FRMD6: variants seen among roughly 807,000 people sequenced by gnomAD.
FRMD6 encodes FERM domain containing 6.
A neutral mutation model predicts 73.2 loss-of-function variants in FRMD6; 37 were observed. The observed-to-expected ratio is 0.51, with a 90% CI of 0.39 to 0.66. The LOEUF (loss-of-function observed/expected upper bound fraction) is 0.66. Ranked by LOEUF, FRMD6 falls within the 30% of genes least tolerant of loss-of-function variation. FRMD6 has a pLI of 0.00. For missense variants in FRMD6, 714 were observed against 780.5 expected (o/e 0.91, Z 1.02); for synonymous variants, 273 against 282.2 (o/e 0.97, Z 0.33).
chr14:51,610,738 G>GA (rs1315336297), intron 2 of FRMD6, among the ~76,000 whole-genome samples: 1 of 152,112 alleles, frequency 6.6e-6, no homozygotes, highest in East Asian at 1.9e-4. Context: ...TTTCAGTTTT[G>GA]AAAAAGTATA....
At chr14:51,664,558 T>TA (rs1169712264) in intron 1 of FRMD6, among the ~76,000 whole-genome samples, 3 of 152,268 alleles carry the variant, frequency 2.0e-5, no homozygotes, top group African/African-American at 7.2e-5. Flanking sequence ...AAAACTTTGT[T>TA]ACATATATTT....
At chr14:51,614,424 G>T (rs761419632) in intron 2 of FRMD6, among the ~76,000 whole-genome samples, 3 of 151,904 alleles carry the variant, frequency 2.0e-5, no homozygotes, top group African/African-American at 7.3e-5. Flanking sequence ...TATTTTCACC[G>T]GTCACACTAT....
exon 1 of FRMD6, chr14:51,489,303 A>G (rs1882859327): frequency 6.6e-6 from 1 of 152,558 alleles, no homozygotes; most frequent in African/African-American, 2.4e-5. Flanking sequence ...GCTTACTCAC[A>G]GCAACTGAAA....
At chr14:51,437,315 C>T in the FRMD6 span, among the ~76,000 whole-genome samples, 1 of 152,170 alleles carries the variant, frequency 6.6e-6, no homozygotes, top group African/African-American at 2.4e-5. Flanking sequence ...GAGTCTGTCT[C>T]CTTTTGGGAT....
At chr14:51,444,853 C>G in the FRMD6 span, among the ~76,000 whole-genome samples, 100 of 152,262 alleles carry the variant, frequency 6.6e-4, no homozygotes, top group East Asian at 7.5e-3. Flanking sequence ...GAACCCACAT[C>G]CCAGTCCATT....
At chr14:51,428,840 T>C in the FRMD6 span, among the ~76,000 whole-genome samples, 26 of 151,970 alleles carry the variant, frequency 1.7e-4, no homozygotes, top group Non-Finnish European at 2.8e-4. Context: ...AATGGCAGTT[T>C]CTATCAGTTT....
chr14:51,560,584 G>A (rs185535405), intron 1 of FRMD6, among the ~76,000 whole-genome samples: 3 of 152,098 alleles, frequency 2.0e-5, no homozygotes, highest in Non-Finnish European at 2.9e-5. Context: ...TCCTGGGTTC[G>A]AGTGATTCTC....
intron 1 of FRMD6, among the ~76,000 whole-genome samples, chr14:51,563,883 A>G (rs1376298522): frequency 6.6e-6 from 1 of 152,366 alleles, no homozygotes; most frequent in East Asian, 1.9e-4. Context: ...ATATTTAGAA[A>G]CAATTTTATT....
chr14:51,625,903 A>G (rs1193862934), intron 2 of FRMD6, among the ~76,000 whole-genome samples: 1 of 152,214 alleles, frequency 6.6e-6, no homozygotes, highest in Non-Finnish European at 1.5e-5. Context: ...CGTGTTAGGG[A>G]GTTTTATTGA....
the FRMD6 span, among the ~76,000 whole-genome samples, chr14:51,462,336 T>C: frequency 6.6e-6 from 1 of 152,004 alleles, no homozygotes; most frequent in African/African-American, 2.4e-5. Context: ...TACAAATGAG[T>C]GGATGTATGG....
At chr14:51,686,491 C>G (rs1895158762) in intron 1 of FRMD6, among the ~76,000 whole-genome samples, 5 of 152,018 alleles carry the variant, frequency 3.3e-5, no homozygotes, top group Admixed American at 2.0e-4. Context: ...AAATAAGGAG[C>G]TTATAATAAT....
chr14:51,408,101 A>G, the FRMD6 span, among the ~76,000 whole-genome samples: 1,411 of 151,902 alleles, frequency 9.3e-3, 23 homozygotes, highest in African/African-American at 0.032. Flanking sequence ...GGATTTATAG[A>G]GCATTCTGAG....
chr14:51,431,083 T>C, the FRMD6 span, among the ~76,000 whole-genome samples: 1 of 152,240 alleles, frequency 6.6e-6, no homozygotes, highest in East Asian at 1.9e-4. Flanking sequence ...TATTGTTTTC[T>C]ATATATACCC....
chr14:51,637,003 G>A (rs1369632829), intron 2 of FRMD6, among the ~76,000 whole-genome samples: 5 of 152,128 alleles, frequency 3.3e-5, no homozygotes, highest in East Asian at 1.9e-4. Context: ...GTGGGAGGAT[G>A]GCTTAAGCCC....
intron 1 of FRMD6, among the ~76,000 whole-genome samples, chr14:51,542,806 A>C (rs1886270620): frequency 6.6e-6 from 1 of 152,040 alleles, no homozygotes; most frequent in African/African-American, 2.4e-5. Context: ...AATTATAGCC[A>C]TTCTGAGTGA....
the FRMD6 span, among the ~76,000 whole-genome samples, chr14:51,426,661 G>C: frequency 2.6e-5 from 4 of 152,312 alleles, 1 homozygote; most frequent in South Asian, 8.3e-4. Flanking sequence ...GATAAGAGAT[G>C]CCAGGTACCG....
At chr14:51,584,505 A>G (rs1407425534) in intron 2 of FRMD6, among the ~76,000 whole-genome samples, 1 of 152,212 alleles carries the variant, frequency 6.6e-6, no homozygotes, top group Non-Finnish European at 1.5e-5. Context: ...TTGGGCATAG[A>G]CAGCATCAGT....
chr14:51,426,678 G>C, the FRMD6 span, among the ~76,000 whole-genome samples: 66 of 152,272 alleles, frequency 4.3e-4, no homozygotes, highest in African/African-American at 1.5e-3. Flanking sequence ...ACCGTGAGAT[G>C]GGGGGAGTGG....
intron 2 of FRMD6, among the ~76,000 whole-genome samples, chr14:51,692,414 TATAGC>T (rs1208662953): frequency 9.2e-5 from 14 of 152,180 alleles, no homozygotes; most frequent in African/African-American, 3.4e-4. Context: ...ATCTAGGACA[TATAGC>T]ATAAGCACTT....
Sources: gnomAD v4.1 joint callset for allele counts (sites outside exome capture counted in the v4.1 genomes callset) on GRCh38, gnomAD v4.1.1 for gene constraint, MANE v1.5 for transcripts, NCBI Gene and HGNC (gene_info 2026-07-23, HGNC 2026-07-21) for gene names.